The following NRK variants were observed in gnomAD, a reference collection of about 807,000 sequenced individuals.
NRK encodes Nik related kinase, also known as nik-related protein kinase.
In NRK, 67 loss-of-function variants were observed where a neutral mutation model predicts 125.2. The observed-to-expected ratio is 0.54, with a 90% CI of 0.44 to 0.66. The LOEUF is 0.66. NRK is among the 30% of genes least tolerant of loss of function. NRK has a pLI of 0.00. For synonymous variants in NRK, 458 were observed against 429.0 expected, an observed-to-expected ratio of 1.07 and a Z score of -0.84; for missense variants, 1,224 against 1,192.9, an observed-to-expected ratio of 1.03 and a Z score of -0.38.
At chrX:105,929,441 TA>T (rs1172075021) in intron 19 of NRK, among the ~76,000 whole-genome samples, 5 of 111,314 alleles carry the variant, frequency 4.5e-5, no homozygotes, top group African/African-American at 9.8e-5. Flanking sequence ...TTTTTATTTT[TA>T]TTTTTTTTAC....
At chrX:105,830,309 C>T (rs1291672213) in intron 1 of NRK, among the ~76,000 whole-genome samples, 9 of 55,616 alleles carry the variant, frequency 1.6e-4, no homozygotes, top group African/African-American at 8.1e-4. Context: ...AGTGAAACTC[C>T]GTCGCAAAAA....
At chrX:105,911,297 T>A (rs1484113766) in intron 13 of NRK, among the ~76,000 whole-genome samples, 1 of 111,970 alleles carries the variant, frequency 8.9e-6, no homozygotes, top group East Asian at 2.8e-4. Context: ...TCTAAACTGA[T>A]AATGAAGAAT....
Position 105,909,417 on chromosome X carries a change from A to C in NRK, c.1776A>C (p.Leu592=). Residue 592 remains leucine, a synonymous_variant, in exon 13 of 29, where the codon CTA becomes CTC. Coordinates refer to ENST00000243300, the MANE Select transcript of NRK (RefSeq NM_198465.4). ...ATGCCCAGGTATTTCTGCCCCTGCT[A>C]TCACAAGATCACCATGTGCTGTTGC... ...RVNAQVFLPL[L]SQDHHVLLPL... 1 of 1,208,189 alleles carries C rather than the reference A, an allele frequency of 8.3e-7. No homozygotes were observed. The highest frequency in any genetic ancestry group is 1.8e-5 in the South Asian group (1 of 56,355).
intron 19 of NRK, 45 bp downstream of exon 19, chrX:105,925,076 A>G (rs755944901): frequency 1.0e-6 from 1 of 960,809 alleles, no homozygotes; most frequent in Non-Finnish European, 1.5e-6. Flanking sequence ...CTCATTGCGA[A>G]TGTGTTTCTT....
chrX:105,928,868 G>A (rs1384965984), intron 19 of NRK, among the ~76,000 whole-genome samples: 1 of 111,590 alleles, frequency 9.0e-6, no homozygotes, highest in African/African-American at 3.2e-5. Flanking sequence ...TGTTGATTTA[G>A]AAAAATGTTT....
intron 2 of NRK, among the ~76,000 whole-genome samples, chrX:105,836,376 A>G (rs1412499395): frequency 8.9e-6 from 1 of 111,850 alleles, no homozygotes; most frequent in Non-Finnish European, 1.9e-5. Context: ...ATAGAGAACA[A>G]TTTCTAACAT....
intron 2 of NRK, among the ~76,000 whole-genome samples, chrX:105,856,818 A>G (rs771085249): frequency 1.8e-5 from 2 of 111,834 alleles, no homozygotes; most frequent in Non-Finnish European, 3.8e-5. Context: ...GTATTGTATA[A>G]TGTTTTAAAA....
At chrX:105,931,728 C>T (rs1211918277) in intron 19 of NRK, among the ~76,000 whole-genome samples, 4 of 111,560 alleles carry the variant, frequency 3.6e-5, no homozygotes, top group Non-Finnish European at 1.9e-5. Context: ...TCTGTTTATT[C>T]ATTCTCTTTG....
chrX:105,929,771 C>G (rs748914280), intron 19 of NRK, among the ~76,000 whole-genome samples: 6 of 111,766 alleles, frequency 5.4e-5, no homozygotes, highest in African/African-American at 1.9e-4. Flanking sequence ...TAAGACCTCT[C>G]TAGTGGTGAT....
At chrX:105,939,782 T>C (rs1034010323) in intron 22 of NRK, 92 bp from the exon 23 acceptor site, 16 of 546,268 alleles carry the variant, frequency 2.9e-5, no homozygotes, top group African/African-American at 1.2e-4. Flanking sequence ...AATAAAGATA[T>C]TTTTAAAAGG....
At chrX:105,880,357 A>G (rs1434793291) in intron 3 of NRK, 102 bp downstream of exon 3, 5 of 296,094 alleles carry the variant, frequency 1.7e-5, no homozygotes, top group Non-Finnish European at 3.0e-5. Context: ...ATTATTTTAT[A>G]TAATAATTAT....
chrX:105,848,503 A>AT (rs1405689379), intron 2 of NRK, among the ~76,000 whole-genome samples: 1 of 112,129 alleles, frequency 8.9e-6, no homozygotes, highest in Non-Finnish European at 1.9e-5. Context: ...AAACTATAAT[A>AT]TTTTTCAAAT....
In NRK at chrX:105,888,672, G is replaced by A. The variant is rs936402251; in HGVS notation, c.378+253G>A. On this transcript the variant is annotated intron_variant, in intron 5 of 28. Transcript: ENST00000243300. ...TTTTCATTGACTCACAGTTCCACAT[G>A]GCTGAGGAGACCTCACAATCACGGC... is the stretch of plus-strand genomic sequence containing the variant. Among the ~76,000 whole-genome samples the A allele has an allele frequency of 2.7e-5, 3 of 111,286 alleles. No individual in the cohort carries two copies. The East Asian group carries it at 8.5e-4, about 31-fold the overall frequency.
chrX:105,862,905 A>G (rs919419873), intron 2 of NRK, among the ~76,000 whole-genome samples: 49 of 112,364 alleles, frequency 4.4e-4, no homozygotes, highest in African/African-American at 1.5e-3. Context: ...ACAATTCTTA[A>G]ATATTCCATA....
At position 105,909,312 on chromosome X, in the gene NRK, A is replaced by G; in HGVS notation, c.1671A>G (p.Glu557=). 1.7e-6 allele frequency: 2 copies of G among 1,206,271 alleles called. No individual in the cohort carries two copies. Among genetic ancestry groups the G allele is most frequent in the Non-Finnish European group, 2.2e-6 (2 of 892,407 alleles). The change falls in exon 13 of 29, where the codon GAA becomes GAG. Residue 557 remains glutamate (E), a synonymous_variant. Coordinates refer to ENST00000243300, the MANE Select transcript of NRK (RefSeq NM_198465.4). The part of the protein sequence containing the change: ...EQELEQNQAP[E]QPEVQEQAAE... The stretch of plus-strand genomic sequence containing the variant: ...AGCTGGAGCAGAACCAGGCACCTGA[A>G]CAGCCAGAGGTACAGGAACAGGCTG...
At chrX:105,856,948 C>T (rs141065647) in intron 2 of NRK, among the ~76,000 whole-genome samples, 401 of 111,065 alleles carry the variant, frequency 3.6e-3, no homozygotes, top group Non-Finnish European at 5.8e-3. Flanking sequence ...ACTCTTTGAC[C>T]TATGGGATAG....
At chrX:105,899,708 G>C (rs1389451492) in intron 8 of NRK, among the ~76,000 whole-genome samples, 2 of 111,644 alleles carry the variant, frequency 1.8e-5, no homozygotes. Flanking sequence ...CTATCAACTA[G>C]GGTTCTAAAA....
intron 1 of NRK, among the ~76,000 whole-genome samples, chrX:105,826,274 AT>A (rs1209528257): frequency 1.5e-5 from 1 of 66,802 alleles, no homozygotes; most frequent in Non-Finnish European, 2.4e-5. Context: ...CATATATAAT[AT>A]ATATGAAATA....
chrX:105,866,245 A>G (rs994642818), intron 2 of NRK, among the ~76,000 whole-genome samples: 6 of 111,355 alleles, frequency 5.4e-5, no homozygotes, highest in African/African-American at 1.6e-4. Context: ...TAGAATTACA[A>G]AAGACATTGA....
Sources: gnomAD v4.1 joint callset for allele counts (sites outside exome capture counted in the v4.1 genomes callset) on GRCh38, gnomAD v4.1.1 for gene constraint, MANE v1.5 for transcripts, NCBI Gene and HGNC (gene_info 2026-07-23, HGNC 2026-07-21) for gene names.